The following PLXDC1 variants were observed in gnomAD, a reference collection of about 807,000 sequenced individuals.
The protein encoded by PLXDC1 is plexin domain containing 1.
PLXDC1 carries 39 observed loss-of-function variants against 61.3 expected under a neutral mutation model. The observed-to-expected ratio is 0.64, with a 90% CI of 0.49 to 0.83. The LOEUF (loss-of-function observed/expected upper bound fraction) is 0.83, where lower values mean the gene tolerates loss of function less well. Among genes scored for constraint, PLXDC1 ranks in the 40% least tolerant of loss-of-function variants. PLXDC1 has a pLI of 0.00. For synonymous variants in PLXDC1, 212 were observed against 254.5 expected, an observed-to-expected ratio of 0.83 and a Z score of 1.59; for missense variants, 596 against 666.5, an observed-to-expected ratio of 0.89 and a Z score of 1.17.
At chr17:39,139,613 A>AC in intron 2 of PLXDC1, 41 bp downstream of exon 2, 2 of 796,860 alleles carry the variant, frequency 2.5e-6, no homozygotes, top group East Asian at 4.2e-5. Flanking sequence ...GACCTCCCCC[A>AC]CCCCCACTTC....
At chr17:39,098,439 C>G (rs1910301835) in intron 7 of PLXDC1, among the ~76,000 whole-genome samples, 2 of 152,102 alleles carry the variant, frequency 1.3e-5, no homozygotes. Context: ...GCCCTAACCC[C>G]AGCAACTAGG....
At chr17:39,109,759 G>A (rs1226839629) in intron 2 of PLXDC1, among the ~76,000 whole-genome samples, 1 of 152,220 alleles carries the variant, frequency 6.6e-6, no homozygotes, top group Non-Finnish European at 1.5e-5. Context: ...CAGACAGGAT[G>A]GCCTCAAACC....
At chr17:39,136,689 G>A (rs1433642331) in intron 2 of PLXDC1, among the ~76,000 whole-genome samples, 1 of 152,116 alleles carries the variant, frequency 6.6e-6, no homozygotes, top group African/African-American at 2.4e-5. Flanking sequence ...TCCTCAGAGA[G>A]AGAAGATATT....
At chr17:39,073,834 GTC>G (rs1257794627) in intron 11 of PLXDC1, among the ~76,000 whole-genome samples, 1 of 152,240 alleles carries the variant, frequency 6.6e-6, no homozygotes, top group Non-Finnish European at 1.5e-5. Context: ...GTGAGTGCCT[GTC>G]TCTCTTTGCA....
rs1025016643 is a variant in PLXDC1 at position 39,151,325 on chromosome 17, C to T, written c.76+37G>A. Reference sequence around the variant, plus strand: ...ACACCTGACTGCCCGTCCCTCCCCGCCCCCGGCCCACCCGGGCCGGCTCCC... The same window carrying T: ...ACACCTGACTGCCCGTCCCTCCCCGTCCCCGGCCCACCCGGGCCGGCTCCC... On this transcript the variant is annotated intron_variant, in intron 1 of 13. Coordinates refer to ENST00000315392, the MANE Select transcript of PLXDC1 (RefSeq NM_020405.5). This position sits in a 1 kb window ranked among gnomAD's most constrained non-coding sequence, Gnocchi z 5.2. 1 of 1,261,744 alleles carries T rather than the reference C, an allele frequency of 7.9e-7. No individual in the cohort carries two copies. Among genetic ancestry groups the T allele is most frequent in the Non-Finnish European group, 1.0e-6 (1 of 1,001,332 alleles). 78.2% of individuals were successfully genotyped at this position (1,261,744 alleles called of 1,614,324 possible). A position where few individuals can be genotyped will look rare whatever the true frequency, so the allele number is the denominator to read the frequency against.
intron 7 of PLXDC1, among the ~76,000 whole-genome samples, chr17:39,089,329 A>G (rs974764292): frequency 6.6e-6 from 1 of 152,184 alleles, no homozygotes. Context: ...GGACTTTTCA[A>G]CTGTAACCAA....
rs143135183 is a variant in PLXDC1 at position 39,119,471 on chromosome 17, G to A, written c.256-10080C>T. ...ATTAAAAAATTAAATTAGATCGGGC[G>A]TGGAGGCTCAGGCCTGTAATGCTGG... On this transcript the variant is annotated intron_variant, in intron 2 of 13. Coordinates refer to ENST00000315392, the MANE Select transcript of PLXDC1 (RefSeq NM_020405.5). Among the ~76,000 whole-genome samples the A allele has an allele frequency of 4.4e-3, 676 of 152,276 alleles. 1 individual carries two copies. The highest frequency in any genetic ancestry group is 7.5e-3 in the Non-Finnish European group (508 of 68,016).
chr17:39,103,269 C>G (rs1379889683), intron 7 of PLXDC1, among the ~76,000 whole-genome samples: 1 of 151,756 alleles, frequency 6.6e-6, no homozygotes, highest in African/African-American at 2.4e-5. Context: ...TGACCCAGGC[C>G]AGTAATCCCA....
intron 2 of PLXDC1, among the ~76,000 whole-genome samples, chr17:39,118,672 A>T (rs147016961): frequency 5.3e-4 from 80 of 152,292 alleles, no homozygotes; most frequent in African/African-American, 1.9e-3. Context: ...GGCCCTGCTG[A>T]GTTGACTACA....
At chr17:39,106,334 C>G (rs1910589787) in intron 6 of PLXDC1, among the ~76,000 whole-genome samples, 1 of 152,090 alleles carries the variant, frequency 6.6e-6, no homozygotes, top group South Asian at 2.1e-4. Flanking sequence ...CTGCTGTCAC[C>G]CTTCTCCTAA....
At chr17:39,076,327 A>G (rs1485996075) in intron 11 of PLXDC1, among the ~76,000 whole-genome samples, 1 of 151,048 alleles carries the variant, frequency 6.6e-6, no homozygotes, top group Non-Finnish European at 1.5e-5. Flanking sequence ...CGGGCAACAT[A>G]GTGAGACCTC....
chr17:39,101,775 T>C (rs1910428546), intron 7 of PLXDC1, among the ~76,000 whole-genome samples: 1 of 152,122 alleles, frequency 6.6e-6, no homozygotes, highest in African/African-American at 2.4e-5. Context: ...TCCTTTCTAG[T>C]AGCATATGCA....
In PLXDC1 at chr17:39,106,521, A is replaced by G. The variant is rs536369208; in HGVS notation, c.712-568T>C. ...TTTTAATAGAGGTGTGTGTCTCACT[A>G]TGTTCTCCAGACTGGTCTTGAACTT... On this transcript the variant is annotated intron_variant, in intron 6 of 13. Coordinates refer to ENST00000315392, the MANE Select transcript of PLXDC1 (RefSeq NM_020405.5). Among the ~76,000 whole-genome samples, 12 of 150,234 alleles carry G rather than the reference A, an allele frequency of 8.0e-5. 1 individual carries two copies. The highest frequency in any genetic ancestry group is 2.9e-4 in the African/African-American group (12 of 40,694).
intron 2 of PLXDC1, chr17:39,137,576 A>C (rs997276018): frequency 6.6e-6 from 1 of 152,184 alleles, no homozygotes; most frequent in African/African-American, 2.4e-5. Context: ...AGAAAAAGTA[A>C]ATTATTTTCA....
intron 2 of PLXDC1, chr17:39,111,696 A>G (rs1304587262): frequency 6.6e-6 from 1 of 152,062 alleles, no homozygotes; most frequent in East Asian, 1.9e-4. Context: ...GGGGTGACTC[A>G]TGTGTACTAT....
Position 39,109,316 on chromosome 17 carries a change from CATCTACCCACAGTT to C in PLXDC1, c.317_330del (p.Glu106GlyfsTer30). 1 of 1,612,356 alleles carries C rather than the reference CATCTACCCACAGTT, an allele frequency of 6.2e-7. No individual in the cohort carries two copies. Among genetic ancestry groups the C allele is most frequent in the Admixed American group, 1.7e-5 (1 of 59,790 alleles). ...ACTTGGCTCCGGTTGGCCTCGGCCACATCTACCCACAGTTCCCGGCTGTGGGGCTCGCTGGGGCC... is the reference window on the plus strand; with the variant it reads ...ACTTGGCTCCGGTTGGCCTCGGCCACCCCGGCTGTGGGGCTCGCTGGGGCC... On this transcript the variant is annotated frameshift_variant, in exon 3 of 14. Transcript: ENST00000315392. LOFTEE classifies it high-confidence loss of function.
chr17:39,086,859 C>CAAAAAAAAAAAAAAAAAAAAAAAAAA (rs765774886), intron 8 of PLXDC1, among the ~76,000 whole-genome samples: 1 of 71,520 alleles, frequency 1.4e-5, no homozygotes, highest in Non-Finnish European at 2.4e-5. Context: ...GAGACTGTCT[C>CAAAAAAAAAAAAAAAAAAAAAAAAAA]AAAAAAAAAA....
chr17:39,081,621 C>G (rs1044737162), intron 9 of PLXDC1, among the ~76,000 whole-genome samples: 10 of 49,658 alleles, frequency 2.0e-4, no homozygotes. Context: ...AGCGAGACTC[C>G]GTCTCAAAAA....
At chr17:39,118,111 T>TTCCTTCCTTC (rs1555572550) in intron 2 of PLXDC1, among the ~76,000 whole-genome samples, 1 of 121,796 alleles carries the variant, frequency 8.2e-6, no homozygotes, top group Non-Finnish European at 1.7e-5. Flanking sequence ...CCTTCCTTCC[T>TTCCTTCCTTC]CTCTCTCTCT....
Sources: allele counts gnomAD v4.1 joint callset (sites outside exome capture counted in the v4.1 genomes callset), GRCh38; gene constraint gnomAD v4.1.1; non-coding constraint Gnocchi (gnomAD v3.1); transcripts MANE v1.5; gene names NCBI Gene and HGNC (gene_info 2026-07-23, HGNC 2026-07-21).